The following TCF4 variants were observed in gnomAD, a reference collection of about 807,000 sequenced individuals.
TCF4 encodes SL3-3 enhancer factor 2.
In TCF4, 3 loss-of-function variants were observed where a neutral mutation model predicts 82.1. The ratio of observed to expected loss-of-function variants is 0.04; its 90% CI spans 0.02 to 0.09. TCF4 has a LOEUF of 0.09. Ranked by LOEUF, TCF4 falls within the 10% of genes least tolerant of loss-of-function variation. The pLI is 1.00. For missense variants in TCF4, 518 were observed against 852.7 expected (o/e 0.61, Z 4.89); for synonymous variants, 276 against 309.6 (o/e 0.89, Z 1.14).
intron 3 of TCF4, among the ~76,000 whole-genome samples, chr18:55,562,152 T>G (rs1367342891): frequency 2.0e-5 from 3 of 152,194 alleles, no homozygotes; most frequent in African/African-American, 7.2e-5. Context: ...ACAGCAGAAT[T>G]TAGTATTTGC....
chr18:55,556,053 T>C (rs1019236116), intron 3 of TCF4, among the ~76,000 whole-genome samples: 6 of 152,220 alleles, frequency 3.9e-5, no homozygotes, highest in Admixed American at 3.3e-4. Context: ...CCTTATTAAC[T>C]GCATGTGTCT....
At chr18:55,261,317 T>C in intron 12 of TCF4, 149 bp downstream of exon 12, 1 of 943,760 alleles carries the variant, frequency 1.1e-6, no homozygotes, top group Admixed American at 1.7e-5. Context: ...CTTCTCAAAT[T>C]TTCCAGTGAC....
Position 55,227,916 on chromosome 18 carries a change from C to T in TCF4, c.*119G>A, listed in dbSNP as rs550925409. ...CGTCTGCGATTCATAACTACTCAGA[C>T]TTGTCTTATATTACAAAAATGGGGG... On this transcript the variant is annotated 3_prime_UTR_variant, in exon 20 of 20. Coordinates refer to ENST00000354452, the MANE Select transcript of TCF4 (RefSeq NM_001083962.2). 41 of 322,386 alleles carry T rather than the reference C, an allele frequency of 1.3e-4. No individual in the cohort carries two copies. Among genetic ancestry groups the T allele is most frequent in the Non-Finnish European group, 9.4e-5 (16 of 169,492 alleles). 20.0% of individuals were successfully genotyped at this position (322,386 alleles called of 1,614,324 possible).
chr18:55,335,403 G>A (rs1225123958), intron 8 of TCF4, among the ~76,000 whole-genome samples: 2 of 152,202 alleles, frequency 1.3e-5, no homozygotes, highest in Non-Finnish European at 2.9e-5. Context: ...AAATGCTCCT[G>A]AGGTAGGTGA....
chr18:55,333,456 AAAAC>A (rs1327180122), intron 8 of TCF4, among the ~76,000 whole-genome samples: 57 of 152,222 alleles, frequency 3.7e-4, no homozygotes, highest in African/African-American at 1.3e-3. Flanking sequence ...CCAGAAAAAA[AAAAC>A]AAAACAAAAC....
intron 5 of TCF4, among the ~76,000 whole-genome samples, chr18:55,446,227 T>G (rs1228362453): frequency 6.6e-6 from 1 of 152,064 alleles, no homozygotes; most frequent in South Asian, 2.1e-4. Flanking sequence ...AGCTGAAGAA[T>G]GAAAATCAGC....
intron 11 of TCF4, 30 bp from the exon 12 acceptor site, chr18:55,261,563 C>T: frequency 6.2e-7 from 1 of 1,613,450 alleles, no homozygotes; most frequent in Non-Finnish European, 8.5e-7. Context: ...AATATGAAAA[C>T]CAGGCAGTGA....
Position 55,534,249 on chromosome 18 carries a change from C to T in TCF4, c.145+51031G>A, listed in dbSNP as rs148138116. Among the ~76,000 whole-genome samples the T allele has an allele frequency of 1.5e-3, 234 of 152,292 alleles. 1 individual carries two copies. The highest frequency in any genetic ancestry group is 4.8e-3 in the African/African-American group (199 of 41,546). On this transcript the variant is annotated intron_variant, in intron 3 of 19. Coordinates refer to ENST00000354452, the MANE Select transcript of TCF4 (RefSeq NM_001083962.2). ...AATTTGGAGCATTTCAGATTAGGGA[C>T]GCTCAACCTGTAATGCTTAAGACTG...
At chr18:55,621,673 ATACATTATATATTATATTAT>A (rs2097719999) in intron 2 of TCF4, among the ~76,000 whole-genome samples, 1 of 36,152 alleles carries the variant, frequency 2.8e-5, no homozygotes, top group Non-Finnish European at 4.9e-5. Flanking sequence ...ATTATATAAT[ATACATTATATATTATATTAT>A]ATAATATATA....
At chr18:55,564,140 A>G (rs1345700018) in intron 3 of TCF4, among the ~76,000 whole-genome samples, 1 of 152,242 alleles carries the variant, frequency 6.6e-6, no homozygotes, top group Non-Finnish European at 1.5e-5. Flanking sequence ...GAGTGAGAGA[A>G]GATGTGTTCT....
chr18:55,352,627 C>T (rs1390905483), intron 6 of TCF4, among the ~76,000 whole-genome samples: 1 of 152,152 alleles, frequency 6.6e-6, no homozygotes, highest in Admixed American at 6.6e-5. Flanking sequence ...AATCTGACAT[C>T]TGCATGCTCA....
chr18:55,540,852 C>T (rs2097159385), intron 3 of TCF4, among the ~76,000 whole-genome samples: 3 of 151,968 alleles, frequency 2.0e-5, no homozygotes, highest in African/African-American at 7.2e-5. Flanking sequence ...TTCAAAAATT[C>T]AATCGCTGAC....
intron 3 of TCF4, among the ~76,000 whole-genome samples, chr18:55,579,537 C>T (rs1344397547): frequency 6.6e-6 from 1 of 151,870 alleles, no homozygotes; most frequent in African/African-American, 2.4e-5. Flanking sequence ...TAAAATCTGA[C>T]TTATTCAACT....
chr18:55,440,308 C>T (rs2095416069), intron 5 of TCF4, among the ~76,000 whole-genome samples: 1 of 152,164 alleles, frequency 6.6e-6, no homozygotes, highest in Non-Finnish European at 1.5e-5. Context: ...TCTTTGTTCT[C>T]ACTTCTTGAA....
At chr18:55,289,061 G>A (rs1466115131) in intron 8 of TCF4, among the ~76,000 whole-genome samples, 1 of 152,188 alleles carries the variant, frequency 6.6e-6, no homozygotes, top group Non-Finnish European at 1.5e-5. Flanking sequence ...TCAACGTGGT[G>A]TATCAGACGA....
chr18:55,520,205 T>C (rs1330039700), intron 3 of TCF4, among the ~76,000 whole-genome samples: 1 of 152,210 alleles, frequency 6.6e-6, no homozygotes, highest in Non-Finnish European at 1.5e-5. Flanking sequence ...AATCAATTTA[T>C]TCTTTCAAAT....
At chr18:55,399,925 CAA>C (rs1491407887) in intron 6 of TCF4, among the ~76,000 whole-genome samples, 6 of 126,684 alleles carry the variant, frequency 4.7e-5, no homozygotes, top group Admixed American at 1.6e-4. Flanking sequence ...CACACACACA[CAA>C]TACTAAAAAT....
In TCF4 at chr18:55,542,486, CAAGAAGACATGT is replaced by C. The variant is rs201223766; in HGVS notation, c.145+42782_145+42793del. ...CTGTAAAAGATACAAATGAGTCAAC[CAAGAAGACATGT>C]TTCATATTCACTACATGGATGAAAA... is the stretch of plus-strand genomic sequence containing the variant. On this transcript the variant is annotated intron_variant, in intron 3 of 19. Coordinates refer to ENST00000354452, the MANE Select transcript of TCF4 (RefSeq NM_001083962.2). 2.9e-3 allele frequency among the ~76,000 whole-genome samples: 446 copies of C among 152,052 alleles called. 5 individuals are homozygous for C. Among genetic ancestry groups the C allele is most frequent in the East Asian group, 7.5e-3 (39 of 5,192 alleles).
At chr18:55,586,987 T>C in intron 2 of TCF4, 58 bp downstream of exon 2, 1 of 1,460,060 alleles carries the variant, frequency 6.8e-7, no homozygotes, top group Non-Finnish European at 9.6e-7. Context: ...GCTGAAGTGT[T>C]TGGGTTTTTG....
Sources: gnomAD v4.1 joint callset for allele counts (sites outside exome capture counted in the v4.1 genomes callset) on GRCh38, gnomAD v4.1.1 for gene constraint, MANE v1.5 for transcripts, NCBI Gene and HGNC (gene_info 2026-07-23, HGNC 2026-07-21) for gene names.